Variants in PHIP observed in about 807,000 individuals in gnomAD.
The protein encoded by PHIP is PH-interacting protein.
A neutral mutation model predicts 236.8 loss-of-function variants in PHIP; 54 were observed. The observed-to-expected ratio is 0.23, with a 90% CI of 0.18 to 0.29. The LOEUF (loss-of-function observed/expected upper bound fraction) is 0.29, where lower values mean the gene tolerates loss of function less well. PHIP is among the 10% of genes least tolerant of loss of function. The probability of loss-of-function intolerance (pLI) is 1.00; values close to 1 mark genes in which losing one functional copy is unlikely to be tolerated. For missense variants in PHIP, 1,370 were observed against 2,190.8 expected, an observed-to-expected ratio of 0.63 and a Z score of 7.48; for synonymous variants, 756 against 718.9, an observed-to-expected ratio of 1.05 and a Z score of -0.83.
rs1773425616 is a variant in PHIP at position 78,940,344 on chromosome 6, G to A, written c.*349C>T. 6.6e-6 allele frequency: 1 copy of A among 151,678 alleles called. No homozygotes were observed. The highest frequency in any genetic ancestry group is 2.4e-5 in the African/African-American group (1 of 41,344). The allele number at this position is 151,678 out of a possible 1,614,324, so 9.4% of individuals were successfully genotyped here. ...TCACTAGGAATATTATGCTCCTAAA[G>A]AGTGTAGCAGAATTGTCTTTTCTAT... On this transcript the variant is annotated 3_prime_UTR_variant, in exon 40 of 40. Transcript: ENST00000275034.
intron 29 of PHIP, among the ~76,000 whole-genome samples, chr6:78,964,572 C>CGAG (rs1243198697): frequency 6.6e-6 from 1 of 152,058 alleles, no homozygotes; most frequent in Non-Finnish European, 1.5e-5. Context: ...GGCTCACTGC[C>CGAG]ACCTCCGCCT....
At chr6:78,969,720 A>G in intron 27 of PHIP, 115 bp downstream of exon 27, 1 of 546,326 alleles carries the variant, frequency 1.8e-6, no homozygotes, top group Non-Finnish European at 3.2e-6. Flanking sequence ...ACATTCCTAC[A>G]AATAGCAAAA....
At chr6:78,985,460 T>C in intron 21 of PHIP, 32 bp from the exon 22 acceptor site, 1 of 1,023,706 alleles carries the variant, frequency 9.8e-7, no homozygotes, top group East Asian at 2.4e-5. Context: ...TCTTATTGCA[T>C]AATTTTATAA....
Position 78,970,119 on chromosome 6 carries a change from G to C in PHIP, c.3052C>G (p.Leu1018Val). The C allele has an allele frequency of 1.2e-6, 2 of 1,612,312 alleles. No individual in the cohort carries two copies. The highest frequency in any genetic ancestry group is 2.2e-5 in the South Asian group (2 of 91,028). The change falls in exon 26 of 40, where the codon CTT becomes GTT. Residue 1018 changes from leucine (L) to valine (V), a missense_variant. Physicochemically the swap from Leu to Val is conservative, Grantham distance 32. Coordinates refer to ENST00000275034, the MANE Select transcript of PHIP (RefSeq NM_017934.7). ...AGAAAAGCAAGTTTAAGGCAGCAAA[G>C]GGTAGGTAATCCCACTTCATACTTT... ...GIKYEVGLPT[L>V]CCLKLAFLDP...
intron 32 of PHIP, 107 bp downstream of exon 32, chr6:78,958,368 C>A (rs1766563249): frequency 1.4e-6 from 1 of 735,014 alleles, no homozygotes; most frequent in South Asian, 1.9e-5. Context: ...ATTTTGGCTA[C>A]TCTTAAATGT....
intron 35 of PHIP, among the ~76,000 whole-genome samples, chr6:78,950,958 C>T (rs1324760221): frequency 2.6e-5 from 4 of 152,040 alleles, no homozygotes; most frequent in Non-Finnish European, 5.9e-5. Flanking sequence ...TTCTCCTTTT[C>T]TGCTGTACTC....
intron 17 of PHIP, among the ~76,000 whole-genome samples, chr6:79,000,733 G>T (rs1769933000): frequency 6.6e-6 from 1 of 151,970 alleles, no homozygotes; most frequent in South Asian, 2.1e-4. Context: ...ATCTGAGTCT[G>T]AGTATCTGTC....
intron 7 of PHIP, among the ~76,000 whole-genome samples, chr6:79,033,089 C>G (rs1469966699): frequency 6.6e-6 from 1 of 151,630 alleles, no homozygotes; most frequent in Non-Finnish European, 1.5e-5. Context: ...CAGTAGGTAT[C>G]AACAGTGGGC....
At chr6:78,954,261 C>T (rs1278459176) in intron 35 of PHIP, among the ~76,000 whole-genome samples, 1 of 137,862 alleles carries the variant, frequency 7.3e-6, no homozygotes, top group African/African-American at 2.7e-5. Context: ...GCCCACACGC[C>T]TGGCTAATTT....
chr6:79,045,532 G>A (rs955167808), intron 6 of PHIP, among the ~76,000 whole-genome samples: 1 of 151,886 alleles, frequency 6.6e-6, no homozygotes, highest in Admixed American at 6.6e-5. Context: ...AATTAAAAAA[G>A]TATATAAGTA....
chr6:78,963,282 A>G (rs746500459), intron 29 of PHIP, 30 bp from the exon 30 acceptor site: 3 of 1,563,848 alleles, frequency 1.9e-6, no homozygotes, highest in Non-Finnish European at 2.6e-6. Flanking sequence ...CATTGCAAAT[A>G]CATGGTAACT....
intron 38 of PHIP, 125 bp from the exon 39 acceptor site, chr6:78,945,622 A>G: frequency 1.5e-6 from 1 of 671,996 alleles, no homozygotes. Flanking sequence ...AAGCTTTCTT[A>G]GGAAAGCTAC....
At position 78,982,372 on chromosome 6, in the gene PHIP, A is replaced by G. The variant is rs112741997; in HGVS notation, c.2769+514T>C. Reference sequence around the variant, plus strand: ...CTACTGACCAAAGGACTGAAAACTTATAGCTCACACACTGTAGATTAATGA... The same window carrying G: ...CTACTGACCAAAGGACTGAAAACTTGTAGCTCACACACTGTAGATTAATGA... On this transcript the variant is annotated intron_variant, in intron 23 of 39. Transcript: ENST00000275034. Among the ~76,000 whole-genome samples, 316 of 152,140 alleles carry G rather than the reference A, an allele frequency of 2.1e-3. 2 individuals carry two copies. Among genetic ancestry groups the G allele is most frequent in the African/African-American group, 7.1e-3 (296 of 41,546 alleles).
intron 7 of PHIP, among the ~76,000 whole-genome samples, chr6:79,036,601 A>G (rs1333122609): frequency 6.6e-6 from 1 of 151,980 alleles, no homozygotes; most frequent in Non-Finnish European, 1.5e-5. Context: ...TAACTCCATT[A>G]CCATTAATCT....
intron 6 of PHIP, among the ~76,000 whole-genome samples, chr6:79,049,193 G>A (rs1204686517): frequency 6.6e-6 from 1 of 151,846 alleles, no homozygotes; most frequent in Non-Finnish European, 1.5e-5. Flanking sequence ...CTCCTGAGTA[G>A]CTGGGATTAC....
chr6:79,009,911 A>C (rs1419867050), intron 15 of PHIP, among the ~76,000 whole-genome samples: 5 of 151,830 alleles, frequency 3.3e-5, no homozygotes, highest in Non-Finnish European at 5.9e-5. Flanking sequence ...TAAAACCTGA[A>C]AGTGATAATT....
intron 18 of PHIP, 34 bp from the exon 19 acceptor site, chr6:78,997,631 T>TA (rs530905354): frequency 1.4e-4 from 216 of 1,505,412 alleles, no homozygotes; most frequent in Non-Finnish European, 1.9e-4. Context: ...AAGTTCTACT[T>TA]AGAGATATTT....
At chr6:78,981,188 T>G (rs1355477118) in intron 23 of PHIP, among the ~76,000 whole-genome samples, 1 of 152,000 alleles carries the variant, frequency 6.6e-6, no homozygotes, top group Non-Finnish European at 1.5e-5. Context: ...ATATGGAAAG[T>G]ATAAATAATT....
At chr6:79,026,390 T>G (rs1042845164) in intron 7 of PHIP, among the ~76,000 whole-genome samples, 1 of 152,064 alleles carries the variant, frequency 6.6e-6, no homozygotes, top group Non-Finnish European at 1.5e-5. Context: ...AGATAATTAA[T>G]ATTTACCTTT....
Sources: allele counts gnomAD v4.1 joint callset (sites outside exome capture counted in the v4.1 genomes callset), GRCh38; gene constraint gnomAD v4.1.1; transcripts MANE v1.5; gene names NCBI Gene and HGNC (gene_info 2026-07-23, HGNC 2026-07-21).